Variants in RPL34 observed in about 807,000 individuals in gnomAD.
The protein encoded by RPL34 is ribosomal protein L34, also known as large ribosomal subunit protein eL34.
RPL34 carries 2 observed loss-of-function variants against 16.3 expected under a neutral mutation model. That is an observed-to-expected ratio of 0.12 (90% CI 0.05 to 0.39). The LOEUF is 0.39. RPL34 is among the 10% of genes least tolerant of loss of function. RPL34 has a pLI of 0.99. For synonymous variants in RPL34, 47 were observed against 48.5 expected (o/e 0.97, Z 0.13); for missense variants, 82 against 148.8 (o/e 0.55, Z 2.33).
chr4:108,629,327 A>C (rs1204820161), downstream of RPL34, among the ~76,000 whole-genome samples: 1 of 152,206 alleles, frequency 6.6e-6, no homozygotes, highest in Non-Finnish European at 1.5e-5. Flanking sequence ...TAATTTAGAC[A>C]TTCCCTTTAT....
At chr4:108,628,821 C>A (rs1254239157), downstream of RPL34, among the ~76,000 whole-genome samples, 1 of 151,810 alleles carries the variant, frequency 6.6e-6, no homozygotes, top group Non-Finnish European at 1.5e-5. Flanking sequence ...TCACTACTTA[C>A]TATTATTATT....
downstream of RPL34, among the ~76,000 whole-genome samples, chr4:108,628,822 T>TATC (rs1726094613): frequency 6.6e-6 from 1 of 151,902 alleles, no homozygotes; most frequent in African/African-American, 2.4e-5. Flanking sequence ...CACTACTTAC[T>TATC]ATTATTATTA....
At chr4:108,625,866 G>T (rs1465308512), downstream of RPL34, among the ~76,000 whole-genome samples, 1 of 152,066 alleles carries the variant, frequency 6.6e-6, no homozygotes, top group Non-Finnish European at 1.5e-5. Flanking sequence ...CCTTACTATG[G>T]TATCTCCTTT....
intron 4 of RPL34, among the ~76,000 whole-genome samples, chr4:108,624,488 A>C (rs1342216638): frequency 1.3e-5 from 2 of 152,198 alleles, no homozygotes. Context: ...CCTGTGCAAC[A>C]CTGTAATGAT....
chr4:108,629,747 T>C (rs973541266), downstream of RPL34, among the ~76,000 whole-genome samples: 2 of 152,236 alleles, frequency 1.3e-5, no homozygotes, highest in African/African-American at 4.8e-5. Context: ...CTTAAAAATA[T>C]AAAATCTCCA....
chr4:108,623,645 A>T (rs1332036486), intron 4 of RPL34, among the ~76,000 whole-genome samples: 1 of 152,140 alleles, frequency 6.6e-6, no homozygotes, highest in Non-Finnish European at 1.5e-5. Context: ...TGACCTCATG[A>T]TCTGTCAGCC....
At chr4:108,627,517 AGAG>A (rs573886887), downstream of RPL34, among the ~76,000 whole-genome samples, 35 of 152,312 alleles carry the variant, frequency 2.3e-4, no homozygotes, top group African/African-American at 8.4e-4. Context: ...GTTTTGCAGA[AGAG>A]GAGTCACAGA....
chr4:108,622,355 C>A, intron 3 of RPL34, 151 bp downstream of exon 3: 1 of 811,518 alleles, frequency 1.2e-6, no homozygotes. Context: ...CGAACATAGA[C>A]TTTTTAAACC....
At chr4:108,623,528 G>A (rs1194853830) in intron 4 of RPL34, among the ~76,000 whole-genome samples, 1 of 152,126 alleles carries the variant, frequency 6.6e-6, no homozygotes, top group Non-Finnish European at 1.5e-5. Context: ...TTCTGCCTCA[G>A]CCTCCTGAAT....
chr4:108,624,496 G>T (rs940746819), intron 4 of RPL34, among the ~76,000 whole-genome samples: 3 of 152,174 alleles, frequency 2.0e-5, no homozygotes, highest in Non-Finnish European at 4.4e-5. Context: ...ACACTGTAAT[G>T]ATAGTGATCC....
At chr4:108,629,001 G>A (rs148128669), downstream of RPL34, among the ~76,000 whole-genome samples, 705 of 152,132 alleles carry the variant, frequency 4.6e-3, 2 homozygotes, top group African/African-American at 0.016. Context: ...TGTATTTTTA[G>A]TAGAGACGGG....
At chr4:108,629,388 T>G (rs1210365104), downstream of RPL34, among the ~76,000 whole-genome samples, 1 of 152,242 alleles carries the variant, frequency 6.6e-6, no homozygotes, top group Non-Finnish European at 1.5e-5. Context: ...AACATGAGCC[T>G]TCTTATATAT....
At chr4:108,628,960 C>T (rs1456931262), downstream of RPL34, among the ~76,000 whole-genome samples, 1 of 152,124 alleles carries the variant, frequency 6.6e-6, no homozygotes, top group Non-Finnish European at 1.5e-5. Context: ...GCTGGGATTA[C>T]AGGCGCCTGC....
chr4:108,625,672 G>A (rs1048221808), downstream of RPL34: 2 of 153,786 alleles, frequency 1.3e-5, no homozygotes, highest in Admixed American at 1.3e-4. Flanking sequence ...GGTGCGAGCC[G>A]CAGCACCCAG....
intron 4 of RPL34, among the ~76,000 whole-genome samples, chr4:108,624,293 A>G (rs1725904872): frequency 6.6e-6 from 1 of 152,228 alleles, no homozygotes; most frequent in Non-Finnish European, 1.5e-5. Flanking sequence ...TGTCTCTGAT[A>G]GGATCACATG....
intron 4 of RPL34, among the ~76,000 whole-genome samples, 197 bp from the exon 5 acceptor site, chr4:108,624,931 A>G (rs989708929): frequency 6.6e-6 from 1 of 152,196 alleles, no homozygotes; most frequent in South Asian, 2.1e-4. Context: ...ACAGATAACT[A>G]CTGGCATGAA....
At chr4:108,625,086 T>G (rs377230722) in intron 4 of RPL34, 42 bp from the exon 5 acceptor site, 2 of 1,386,698 alleles carry the variant, frequency 1.4e-6, no homozygotes, top group Admixed American at 1.8e-5. Context: ...AAAAATGAAG[T>G]TCATTTTAAA....
At chr4:108,622,816 G>T in intron 4 of RPL34, 198 bp downstream of exon 4, 1 of 446,208 alleles carries the variant, frequency 2.2e-6, no homozygotes. Flanking sequence ...ATTTATGCTA[G>T]ATGTGGAGAT....
At chr4:108,628,922 A>G (rs915960371), downstream of RPL34, among the ~76,000 whole-genome samples, 1 of 152,114 alleles carries the variant, frequency 6.6e-6, no homozygotes, top group Admixed American at 6.5e-5. Flanking sequence ...TCCTGGGTTT[A>G]AGCCATTCTG....
Sources: allele counts gnomAD v4.1 joint callset (sites outside exome capture counted in the v4.1 genomes callset), GRCh38; gene constraint gnomAD v4.1.1; transcripts MANE v1.5; gene names NCBI Gene and HGNC (gene_info 2026-07-23, HGNC 2026-07-21).